The following BRINP1 variants were observed in gnomAD, a reference collection of about 807,000 sequenced individuals.
BRINP1 encodes the protein BMP/retinoic acid inducible neural specific 1, also known as BMP/retinoic acid-inducible neural-specific protein 1.
BRINP1 carries 17 observed loss-of-function variants against 72.9 expected under a neutral mutation model. The observed-to-expected ratio is 0.23, with a 90% CI of 0.16 to 0.35. The LOEUF (loss-of-function observed/expected upper bound fraction) is 0.35, where lower values mean the gene tolerates loss of function less well. BRINP1 is among the 10% of genes least tolerant of loss of function. The pLI is 1.00. For missense variants in BRINP1, 850 were observed against 1,001.6 expected (o/e 0.85, Z 2.04); for synonymous variants, 418 against 378.5 (o/e 1.10, Z -1.21).
In BRINP1 at chr9:119,171,087, A is replaced by C. The variant is rs1487980583; in HGVS notation, c.1146-2863T>G. Among the ~76,000 whole-genome samples the C allele has an allele frequency of 3.5e-3, 530 of 150,230 alleles. 13 individuals carry two copies. Among genetic ancestry groups the C allele is most frequent in the Admixed American group, 0.031 (467 of 15,042 alleles). ...AACTGCATCAACTAACGAGCAAAAT[A>C]ACCAGCTAACATCATAATGACAGGA... On this transcript the variant is annotated intron_variant, in intron 7 of 7. Transcript: ENST00000265922.
chr9:119,218,933 C>A (rs111516688), intron 5 of BRINP1, among the ~76,000 whole-genome samples: 2 of 151,940 alleles, frequency 1.3e-5, no homozygotes. Context: ...TATAAGAAGC[C>A]GGAAACTTAG....
intron 7 of BRINP1, among the ~76,000 whole-genome samples, chr9:119,200,324 A>G (rs1367031161): frequency 6.6e-6 from 1 of 152,128 alleles, no homozygotes; most frequent in East Asian, 1.9e-4. Context: ...AAATAGATTT[A>G]AAAAGGGAAA....
chr9:119,313,377 C>T lies in BRINP1; in HGVS notation c.-22G>A, dbSNP rs1341823972. On this transcript the variant is annotated 5_prime_UTR_variant, in exon 2 of 8. Transcript: ENST00000265922. ...TCATGCTTTTCTGCCGGCCTTTTTC[C>T]TCTCATTCTTGCTCCATTCTGTGGA... is the stretch of plus-strand genomic sequence containing the variant. The T allele has an allele frequency of 1.2e-6, 2 of 1,612,402 alleles. No homozygotes were observed. The highest frequency in any genetic ancestry group is 2.2e-5 in the East Asian group (1 of 44,878).
At chr9:119,235,330 T>G (rs1164819490) in intron 5 of BRINP1, among the ~76,000 whole-genome samples, 1 of 152,226 alleles carries the variant, frequency 6.6e-6, no homozygotes, top group Non-Finnish European at 1.5e-5. Context: ...TCACCATTGA[T>G]GTCTGTGCTT....
At position 119,167,702 on chromosome 9, in the gene BRINP1, C is replaced by G; in HGVS notation, c.1668G>C (p.Leu556=). ...TGACATAGACAAAGAACATGGGGTC[C>G]AGGCTGCTGTTGCGCATCTGGCAGA... ...MRICQMRNSS[L]DPMFFVYVNP... Residue 556 remains leucine, a synonymous_variant, in exon 8 of 8, where the codon CTG becomes CTC. Coordinates refer to ENST00000265922, the MANE Select transcript of BRINP1 (RefSeq NM_014618.3). This position sits in a 1 kb window ranked among gnomAD's most constrained non-coding sequence, Gnocchi z 4.3. The G allele has an allele frequency of 6.2e-7, 1 of 1,614,160 alleles. No homozygotes were observed. Among genetic ancestry groups the G allele is most frequent in the Non-Finnish European group, 8.5e-7 (1 of 1,180,030 alleles).
At chr9:119,197,925 G>A (rs1829757113) in intron 7 of BRINP1, among the ~76,000 whole-genome samples, 1 of 152,120 alleles carries the variant, frequency 6.6e-6, no homozygotes, top group African/African-American at 2.4e-5. Context: ...ATTCTATAAA[G>A]ACAAGTTATT....
chr9:119,368,114 G>A lies in BRINP1; in HGVS notation c.-51+942C>T, dbSNP rs1280465873. Among the ~76,000 whole-genome samples the A allele has an allele frequency of 6.6e-6, 1 of 152,194 alleles. No homozygotes were observed. Among genetic ancestry groups the A allele is most frequent in the Non-Finnish European group, 1.5e-5 (1 of 68,038 alleles). ...CCGAGGACGCTTTCTCCTTTCCCCT[G>A]AGGGGGATCCATGCAAACTTGCCAG... On this transcript the variant is annotated intron_variant, in intron 1 of 7. Coordinates refer to ENST00000265922, the MANE Select transcript of BRINP1 (RefSeq NM_014618.3). This position sits in a 1 kb window ranked among gnomAD's most constrained non-coding sequence, Gnocchi z 4.7.
chr9:119,351,008 G>A (rs971953837), intron 1 of BRINP1, among the ~76,000 whole-genome samples: 8 of 150,912 alleles, frequency 5.3e-5, no homozygotes, highest in Admixed American at 6.6e-5. Context: ...CTATCAACCC[G>A]TCATCTATGT....
rs147024603 is a variant in BRINP1, at chr9:119,255,828, G to A, written c.219-6678C>T. Among the ~76,000 whole-genome samples, 909 of 151,940 alleles carry A rather than the reference G, an allele frequency of 6.0e-3. 8 individuals are homozygous for A. Among genetic ancestry groups the A allele is most frequent in the Non-Finnish European group, 0.011 (719 of 67,944 alleles). ...AAATTAGCCAGGCGTGGCAGCATGC[G>A]CCTGTAGTCCCAGCTACTCAGGAGA... On this transcript the variant is annotated intron_variant, in intron 2 of 7. Transcript: ENST00000265922.
At chr9:119,173,421 A>C (rs983913094) in intron 7 of BRINP1, among the ~76,000 whole-genome samples, 2 of 150,682 alleles carry the variant, frequency 1.3e-5, no homozygotes, top group African/African-American at 4.9e-5. Context: ...AATCCAACTT[A>C]CAAGGGATGT....
chr9:119,358,665 G>A (rs1360977944), intron 1 of BRINP1, among the ~76,000 whole-genome samples: 1 of 152,164 alleles, frequency 6.6e-6, no homozygotes, highest in African/African-American at 2.4e-5. Flanking sequence ...CTGCACTCCA[G>A]CGTGGGCGAC....
chr9:119,328,093 A>G (rs1439600822), intron 1 of BRINP1, among the ~76,000 whole-genome samples: 1 of 152,204 alleles, frequency 6.6e-6, no homozygotes, highest in Non-Finnish European at 1.5e-5. Context: ...GAGATATCAT[A>G]AAGTGGACTG....
At chr9:119,202,128 T>C (rs760045275) in intron 7 of BRINP1, among the ~76,000 whole-genome samples, 1 of 152,202 alleles carries the variant, frequency 6.6e-6, no homozygotes, top group Non-Finnish European at 1.5e-5. Flanking sequence ...GCCTGTCTTC[T>C]ACCTGCTATT....
chr9:119,241,425 G>C (rs1195110913), intron 4 of BRINP1, among the ~76,000 whole-genome samples: 1 of 152,128 alleles, frequency 6.6e-6, no homozygotes, highest in African/African-American at 2.4e-5. Context: ...CAGCAGGGTT[G>C]AGTAATAGCA....
chr9:119,286,046 T>A (rs1248430391), intron 2 of BRINP1, among the ~76,000 whole-genome samples: 1 of 152,142 alleles, frequency 6.6e-6, no homozygotes, highest in African/African-American at 2.4e-5. Context: ...CCATCAACTT[T>A]ATCATCATTA....
rs1438763034 is a variant in BRINP1 at position 119,170,239 on chromosome 9, T to A, written c.1146-2015A>T. ...AAGAAGTTGAAAACTTTAAAAAAAA[T>A]TTAGAAGAATGCATAACTAGAATAA... On this transcript the variant is annotated intron_variant, in intron 7 of 7. Coordinates refer to ENST00000265922, the MANE Select transcript of BRINP1 (RefSeq NM_014618.3). Among the ~76,000 whole-genome samples the A allele has an allele frequency of 4.6e-5, 7 of 151,862 alleles. No individual in the cohort carries two copies. The East Asian group carries it at 5.8e-4, about 13-fold the overall frequency.
intron 1 of BRINP1, among the ~76,000 whole-genome samples, chr9:119,354,133 G>A (rs10818300): frequency 6.6e-6 from 1 of 151,972 alleles, no homozygotes; most frequent in African/African-American, 2.4e-5. Context: ...TGGATCATCA[G>A]AATTGCTTGT....
chr9:119,234,768 AAT>A (rs1387333835), intron 5 of BRINP1, among the ~76,000 whole-genome samples: 1 of 152,146 alleles, frequency 6.6e-6, no homozygotes, highest in African/African-American at 2.4e-5. Context: ...CCACTAGGAG[AAT>A]ATGATACTTC....
At chr9:119,195,410 T>C (rs542024905) in intron 7 of BRINP1, among the ~76,000 whole-genome samples, 51 of 152,202 alleles carry the variant, frequency 3.4e-4, no homozygotes, top group Non-Finnish European at 6.0e-4. Flanking sequence ...GGGCAAGTCA[T>C]TCATTTCTGT....
Sources: gnomAD v4.1 joint callset for allele counts (sites outside exome capture counted in the v4.1 genomes callset) on GRCh38, gnomAD v4.1.1 for gene constraint, Gnocchi (gnomAD v3.1) non-coding constraint, MANE v1.5 for transcripts, NCBI Gene and HGNC (gene_info 2026-07-23, HGNC 2026-07-21) for gene names.